Variants in WDR70 observed in about 807,000 individuals in gnomAD.
The protein encoded by WDR70 is WD repeat-containing protein 70.
Under a neutral mutation model 88.6 loss-of-function variants are expected in WDR70, and 53 were observed. That is an observed-to-expected ratio of 0.60 (90% CI 0.48 to 0.75). The LOEUF (loss-of-function observed/expected upper bound fraction) is 0.75, where lower values mean the gene tolerates loss of function less well. Among genes scored for constraint, WDR70 ranks in the 30% least tolerant of loss-of-function variants. WDR70 has a pLI of 0.00. For synonymous variants in WDR70, 280 were observed against 270.0 expected (o/e 1.04, Z -0.36); for missense variants, 610 against 823.2 (o/e 0.74, Z 3.17).
intron 10 of WDR70, among the ~76,000 whole-genome samples, chr5:37,676,714 G>T (rs2112606134): frequency 6.6e-6 from 1 of 152,054 alleles, no homozygotes; most frequent in South Asian, 2.1e-4. Flanking sequence ...TTGTGTCTCT[G>T]CCAGGCTTTG....
intron 5 of WDR70, among the ~76,000 whole-genome samples, chr5:37,416,901 C>G (rs1204922264): frequency 6.6e-6 from 1 of 152,172 alleles, no homozygotes; most frequent in African/African-American, 2.4e-5. Flanking sequence ...AGCTGAGAAG[C>G]TAATACTCCA....
intron 10 of WDR70, among the ~76,000 whole-genome samples, chr5:37,621,841 C>T (rs1301121980): frequency 6.6e-6 from 1 of 152,208 alleles, no homozygotes; most frequent in African/African-American, 2.4e-5. Flanking sequence ...AGGTTTTCTT[C>T]TAGGGTTTTT....
chr5:37,391,434 T>C lies in WDR70; in HGVS notation c.176-566T>C, dbSNP rs542000496. On this transcript the variant is annotated intron_variant, in intron 3 of 17. Coordinates refer to ENST00000265107, the MANE Select transcript of WDR70 (RefSeq NM_018034.4). ...CTTCATTTCCCCTCCCTCTAGCCTC[T>C]GATAACCACCATTCTACTTTTTGTC... 8.5e-5 allele frequency among the ~76,000 whole-genome samples: 13 copies of C among 152,320 alleles called. No homozygotes were observed. The South Asian group carries it at 2.3e-3, about 27-fold the overall frequency.
chr5:37,416,657 G>A (rs1189148771), intron 5 of WDR70, among the ~76,000 whole-genome samples: 1 of 150,578 alleles, frequency 6.6e-6, no homozygotes, highest in Non-Finnish European at 1.5e-5. Context: ...TCGGCTCACT[G>A]CAAGCCCCAC....
At chr5:37,596,596 A>G (rs1743707066) in intron 9 of WDR70, among the ~76,000 whole-genome samples, 1 of 152,194 alleles carries the variant, frequency 6.6e-6, no homozygotes, top group Admixed American at 6.5e-5. Flanking sequence ...TTGTCAGAGC[A>G]ATAGAATAGA....
chr5:37,572,640 T>G (rs539002246), intron 9 of WDR70, among the ~76,000 whole-genome samples: 295 of 152,252 alleles, frequency 1.9e-3, no homozygotes, highest in Non-Finnish European at 3.1e-3. Flanking sequence ...GTTCTGTAGA[T>G]TCTACCTCTA....
intron 10 of WDR70, among the ~76,000 whole-genome samples, chr5:37,682,832 A>G (rs925359880): frequency 3.9e-5 from 6 of 152,172 alleles, no homozygotes; most frequent in South Asian, 2.1e-4. Context: ...GGAGTGTTCT[A>G]TATCCAATTA....
At chr5:37,652,977 T>C (rs1745448810) in intron 10 of WDR70, among the ~76,000 whole-genome samples, 1 of 152,184 alleles carries the variant, frequency 6.6e-6, no homozygotes, top group Non-Finnish European at 1.5e-5. Flanking sequence ...CAATAATATG[T>C]TGAATAGGAG....
At chr5:37,448,029 T>C (rs1239377303) in intron 7 of WDR70, among the ~76,000 whole-genome samples, 1 of 152,186 alleles carries the variant, frequency 6.6e-6, no homozygotes, top group Non-Finnish European at 1.5e-5. Flanking sequence ...GGATAAAAGC[T>C]TAGTTATCTT....
chr5:37,616,021 A>G (rs1744330442), intron 10 of WDR70, among the ~76,000 whole-genome samples: 1 of 152,158 alleles, frequency 6.6e-6, no homozygotes, highest in Non-Finnish European at 1.5e-5. Flanking sequence ...TACTTGTCAT[A>G]TGCTGAATAA....
intron 7 of WDR70, among the ~76,000 whole-genome samples, chr5:37,452,008 A>G (rs1382272325): frequency 6.6e-6 from 1 of 152,140 alleles, no homozygotes; most frequent in Non-Finnish European, 1.5e-5. Flanking sequence ...CAACAACAAC[A>G]ACAACAAAAA....
At chr5:37,673,583 A>ACCCCCCCC (rs139281997) in intron 10 of WDR70, among the ~76,000 whole-genome samples, 18 of 76,238 alleles carry the variant, frequency 2.4e-4, no homozygotes, top group African/African-American at 3.8e-4. Flanking sequence ...GACTTTTCTT[A>ACCCCCCCC]CCCCCCCCCC....
intron 3 of WDR70, among the ~76,000 whole-genome samples, chr5:37,387,313 G>A (rs1222282871): frequency 2.0e-5 from 3 of 152,098 alleles, no homozygotes; most frequent in African/African-American, 7.2e-5. Context: ...CTTATAAACA[G>A]CAAAGTACTT....
chr5:37,420,389 A>C (rs1191598472), intron 5 of WDR70, among the ~76,000 whole-genome samples: 1 of 152,116 alleles, frequency 6.6e-6, no homozygotes, highest in Non-Finnish European at 1.5e-5. Flanking sequence ...CCTTTTGTTG[A>C]CGTGTATACA....
At chr5:37,601,518 G>C (rs1010377630) in intron 9 of WDR70, among the ~76,000 whole-genome samples, 2 of 152,116 alleles carry the variant, frequency 1.3e-5, no homozygotes, top group Non-Finnish European at 2.9e-5. Context: ...TTGGTATCAG[G>C]GCAATGCTAG....
chr5:37,479,052 T>G (rs896080335), intron 7 of WDR70, among the ~76,000 whole-genome samples: 2 of 152,132 alleles, frequency 1.3e-5, no homozygotes, highest in African/African-American at 2.4e-5. Flanking sequence ...TAGAAGTTCC[T>G]GAGGAGACTG....
At chr5:37,390,489 G>A (rs1160700097) in intron 3 of WDR70, among the ~76,000 whole-genome samples, 1 of 151,722 alleles carries the variant, frequency 6.6e-6, no homozygotes, top group African/African-American at 2.4e-5. Context: ...ACAGGCGCCG[G>A]CCACTACGCC....
At chr5:37,569,454 A>T (rs1219498304) in intron 9 of WDR70, among the ~76,000 whole-genome samples, 1 of 152,134 alleles carries the variant, frequency 6.6e-6, no homozygotes, top group Admixed American at 6.5e-5. Flanking sequence ...TCTTGCAAAT[A>T]ATCGTTTTTG....
intron 9 of WDR70, among the ~76,000 whole-genome samples, chr5:37,581,419 T>C (rs751607102): frequency 3.5e-4 from 54 of 152,166 alleles, no homozygotes; most frequent in Non-Finnish European, 7.1e-4. Flanking sequence ...AGTGACTTGT[T>C]CAATATCACC....
Sources: gnomAD v4.1 joint callset for allele counts (sites outside exome capture counted in the v4.1 genomes callset) on GRCh38, gnomAD v4.1.1 for gene constraint, MANE v1.5 for transcripts, NCBI Gene and HGNC (gene_info 2026-07-23, HGNC 2026-07-21) for gene names.